EXOC4: variants seen among roughly 807,000 people sequenced by gnomAD.
EXOC4 encodes the protein exocyst complex component 4.
In EXOC4, 71 loss-of-function variants were observed where a neutral mutation model predicts 107.2. That is an observed-to-expected ratio of 0.66 (90% CI 0.55 to 0.81). The LOEUF is 0.81. Ranked by LOEUF, EXOC4 falls within the 30% of genes least tolerant of loss-of-function variation. EXOC4 has a pLI of 0.00. For synonymous variants in EXOC4, 456 were observed against 441.2 expected (o/e 1.03, Z -0.42); for missense variants, 1,108 against 1,189.6 (o/e 0.93, Z 1.01).
At chr7:133,285,506 T>A (rs1424386931) in intron 2 of EXOC4, among the ~76,000 whole-genome samples, 1 of 152,242 alleles carries the variant, frequency 6.6e-6, no homozygotes, top group Admixed American at 6.5e-5. Context: ...GTCTTCTAGC[T>A]TTTAATGTTG....
At chr7:133,430,501 GT>G (rs1371403589) in intron 7 of EXOC4, among the ~76,000 whole-genome samples, 1 of 151,984 alleles carries the variant, frequency 6.6e-6, no homozygotes, top group Non-Finnish European at 1.5e-5. Context: ...TGGACATTTT[GT>G]TTATCCATTC....
chr7:133,659,820 T>C (rs10274470), intron 10 of EXOC4, among the ~76,000 whole-genome samples: 16,020 of 152,280 alleles, frequency 0.11, 1,034 homozygotes, highest in African/African-American at 0.18. Context: ...ATACACAGAT[T>C]TTCTACAACT....
At chr7:133,659,367 C>G (rs775165707) in intron 10 of EXOC4, among the ~76,000 whole-genome samples, 1 of 152,084 alleles carries the variant, frequency 6.6e-6, no homozygotes, top group Non-Finnish European at 1.5e-5. Context: ...TGAACGTATT[C>G]ATTCCCTCAC....
chr7:133,492,683 T>G (rs1799394763), intron 9 of EXOC4, among the ~76,000 whole-genome samples: 1 of 152,238 alleles, frequency 6.6e-6, no homozygotes, highest in African/African-American at 2.4e-5. Flanking sequence ...ATGTATTAGT[T>G]TTAGTGCCCA....
chr7:133,882,992 A>G lies in EXOC4; in HGVS notation c.1735-12607A>G, dbSNP rs912773879. 3.9e-5 allele frequency among the ~76,000 whole-genome samples: 6 copies of G among 152,186 alleles called. No individual in the cohort carries two copies. The South Asian group carries it at 1.2e-3, about 32-fold the overall frequency. ...AAGAATTTTTCCATACATTTTTACT[A>G]ACACAACAGCTATTCCATCAGTAAA... On this transcript the variant is annotated intron_variant, in intron 11 of 17. Transcript: ENST00000253861.
chr7:134,079,789 T>C, the EXOC4 span, among the ~76,000 whole-genome samples: 1 of 152,214 alleles, frequency 6.6e-6, no homozygotes, highest in African/African-American at 2.4e-5. Flanking sequence ...GCCATCCACA[T>C]GTACTTGGAA....
chr7:133,314,082 A>C (rs1794936327), intron 4 of EXOC4, among the ~76,000 whole-genome samples: 1 of 152,180 alleles, frequency 6.6e-6, no homozygotes, highest in African/African-American at 2.4e-5. Flanking sequence ...GCTTTCTCTG[A>C]GGGATTAAAA....
intron 11 of EXOC4, among the ~76,000 whole-genome samples, chr7:133,861,899 G>T (rs1798541518): frequency 6.6e-6 from 1 of 152,158 alleles, no homozygotes; most frequent in South Asian, 2.1e-4. Context: ...GACCTGCTTT[G>T]AGAAACACTG....
intron 4 of EXOC4, among the ~76,000 whole-genome samples, chr7:133,309,172 G>T (rs1275430634): frequency 6.6e-6 from 1 of 152,084 alleles, no homozygotes; most frequent in Non-Finnish European, 1.5e-5. Context: ...GCCCTGGGTG[G>T]GGTGCCTCTT....
At chr7:133,654,682 A>C (rs979635122) in intron 10 of EXOC4, among the ~76,000 whole-genome samples, 1 of 152,178 alleles carries the variant, frequency 6.6e-6, no homozygotes, top group Non-Finnish European at 1.5e-5. Context: ...GGCGTCATTC[A>C]TAATAAAATA....
At chr7:134,066,584 A>G (rs1012183308), downstream of EXOC4, 24 of 152,150 alleles carry the variant, frequency 1.6e-4, no homozygotes, top group Admixed American at 1.6e-3. Context: ...ATCAGTCTTT[A>G]TTCTTCCACA....
chr7:133,843,041 C>T (rs1798053709), intron 11 of EXOC4, among the ~76,000 whole-genome samples: 2 of 152,068 alleles, frequency 1.3e-5, no homozygotes. Context: ...GTTTTGGTAC[C>T]AGTACCATGC....
chr7:133,993,609 A>G (rs900377637), intron 14 of EXOC4, among the ~76,000 whole-genome samples: 2 of 152,342 alleles, frequency 1.3e-5, no homozygotes, highest in Middle Eastern at 3.4e-3. Flanking sequence ...TTTAATTTGC[A>G]GTGATTTAAA....
At chr7:133,796,602 A>G (rs911321567) in intron 10 of EXOC4, among the ~76,000 whole-genome samples, 1 of 152,216 alleles carries the variant, frequency 6.6e-6, no homozygotes, top group Middle Eastern at 3.4e-3. Flanking sequence ...TACAAAAAAT[A>G]TAAAAATTAG....
intron 7 of EXOC4, among the ~76,000 whole-genome samples, chr7:133,473,173 T>C (rs1798924063): frequency 1.3e-5 from 2 of 152,174 alleles, no homozygotes; most frequent in African/African-American, 2.4e-5. Context: ...GTGCCAAATA[T>C]ACAGTATAAT....
chr7:133,287,000 C>A (rs922384620), intron 2 of EXOC4, among the ~76,000 whole-genome samples: 4 of 152,058 alleles, frequency 2.6e-5, no homozygotes, highest in Non-Finnish European at 5.9e-5. Context: ...AACTCAGTAC[C>A]CCTGCCATTA....
At chr7:134,011,628 T>C (rs1203812299) in intron 17 of EXOC4, among the ~76,000 whole-genome samples, 1 of 152,156 alleles carries the variant, frequency 6.6e-6, no homozygotes, top group Non-Finnish European at 1.5e-5. Context: ...CGCCCGGTTA[T>C]TCCTTCATTT....
intron 7 of EXOC4, among the ~76,000 whole-genome samples, chr7:133,451,040 A>G (rs990325982): frequency 2.1e-4 from 32 of 152,202 alleles, no homozygotes; most frequent in African/African-American, 7.5e-4. Flanking sequence ...ACAGTGCAAG[A>G]GTGGGAAAGG....
intron 10 of EXOC4, among the ~76,000 whole-genome samples, chr7:133,813,206 A>G (rs2550994): frequency 0.87 from 132,070 of 152,146 alleles, 57,493 homozygotes; most frequent in East Asian, 0.99. Flanking sequence ...TGTGCTGCTC[A>G]GCACAGTTCA....
Sources: allele counts gnomAD v4.1 joint callset (sites outside exome capture counted in the v4.1 genomes callset), GRCh38; gene constraint gnomAD v4.1.1; transcripts MANE v1.5; gene names NCBI Gene and HGNC (gene_info 2026-07-23, HGNC 2026-07-21).